Variants in ADA2 observed in about 807,000 individuals in gnomAD.
ADA2 encodes the protein adenosine deaminase 2.
In ADA2, 29 loss-of-function variants were observed where a neutral mutation model predicts 44.2. The observed-to-expected ratio is 0.66, with a 90% confidence interval of 0.49 to 0.89. The LOEUF (loss-of-function observed/expected upper bound fraction) is 0.89, where lower values mean the gene tolerates loss of function less well. Ranked by LOEUF, ADA2 falls within the 40% of genes least tolerant of loss-of-function variation. The pLI, the probability that ADA2 is intolerant of heterozygous loss-of-function variation, is 0.00. For synonymous variants in ADA2, 215 were observed against 234.9 expected (o/e 0.92, Z 0.77); for missense variants, 637 against 644.8 (o/e 0.99, Z 0.13).
intron 4 of ADA2, among the ~76,000 whole-genome samples, chr22:17,192,546 A>G (rs571456291): frequency 6.6e-6 from 1 of 152,070 alleles, no homozygotes; most frequent in South Asian, 2.1e-4. Flanking sequence ...GGAGGTGTGT[A>G]ATGGGGAAAG....
chr22:17,214,068 C>G, intron 1 of ADA2: 1 of 540,006 alleles, frequency 1.9e-6, no homozygotes, highest in South Asian at 1.7e-5. Context: ...AAATAGCATC[C>G]AAAACCCACA....
intron 3 of ADA2, among the ~76,000 whole-genome samples, 195 bp downstream of exon 3, chr22:17,206,876 A>G (rs974546708): frequency 6.6e-6 from 1 of 151,988 alleles, no homozygotes; most frequent in Non-Finnish European, 1.5e-5. Context: ...CAGACTGGCA[A>G]CTCCTGGGCT....
Position 17,207,054 on chromosome 22 carries a change from T to C in ADA2, c.542+17A>G. The C allele has an allele frequency of 6.2e-7, 1 of 1,601,140 alleles. No homozygotes were observed. Among genetic ancestry groups the C allele is most frequent in the Non-Finnish European group, 8.6e-7 (1 of 1,168,540 alleles). On this transcript the variant is annotated intron_variant, in intron 3 of 9. Transcript: ENST00000399837. ...CATGACAGGCCTGGGACATGTGCTT[T>C]CTGAACTACTACTCACCTGTCATCA...
At chr22:17,204,776 T>C (rs367867007) in intron 3 of ADA2, among the ~76,000 whole-genome samples, 1 of 148,832 alleles carries the variant, frequency 6.7e-6, no homozygotes, top group Non-Finnish European at 1.5e-5. Context: ...TCCAGAACCA[T>C]GAGAAAATCA....
chr22:17,207,147 A>G lies in ADA2; in HGVS notation c.466T>C (p.Ser156Pro). ...FRFAHPTPRP[S>P]EKCSKWILLE... ...AGAATCCACTTGGAACATTTTTCTG[A>G]TGGACGGGGAGTTGGGTGAGCAAAT... The change falls in exon 3 of 10, where the codon TCA becomes CCA. Residue 156 changes from serine to proline, a missense_variant. Transcript: ENST00000399837. 6.2e-7 allele frequency: 1 copy of G among 1,614,158 alleles called. No individual in the cohort carries two copies. The highest frequency in any genetic ancestry group is 1.7e-5 in the Admixed American group (1 of 60,030).
chr22:17,221,696 G>A (rs1186077934), upstream of ADA2: 1 of 152,242 alleles, frequency 6.6e-6, no homozygotes, highest in Non-Finnish European at 1.5e-5. Context: ...ATCTTGAGGT[G>A]GAAGCAGAGA....
At chr22:17,221,449 C>A (rs2123744568), upstream of ADA2, among the ~76,000 whole-genome samples, 1 of 152,222 alleles carries the variant, frequency 6.6e-6, no homozygotes, top group African/African-American at 2.4e-5. Context: ...CCCCGACCCC[C>A]CCGACAGGCC....
intron 4 of ADA2, among the ~76,000 whole-genome samples, chr22:17,192,727 G>T (rs1197747869): frequency 6.6e-6 from 1 of 152,074 alleles, no homozygotes; most frequent in Non-Finnish European, 1.5e-5. Flanking sequence ...TACTGGGGAG[G>T]CTGAGGCAGG....
Position 17,182,760 on chromosome 22 carries a change from G to A in ADA2, c.1083C>T (p.Asp361=), listed in dbSNP as rs1298696151. The change falls in exon 8 of 10, where the codon GAC becomes GAT. Residue 361 remains aspartate (D), a splice_region_variant and synonymous_variant. Transcript: ENST00000399837. ...LPYFFHAGET[D]WQGTSIDRNI... ...TCCTGTCTATGGAAGTACCCTGCCA[G>A]TCTGAACACACGGGAATGGTCTTCC... The A allele has an allele frequency of 6.2e-7, 1 of 1,613,262 alleles. No individual in the cohort carries two copies. The highest frequency in any genetic ancestry group is 1.7e-5 in the Admixed American group (1 of 60,008).
At chr22:17,191,176 T>G (rs2062109776) in intron 5 of ADA2, among the ~76,000 whole-genome samples, 1 of 152,190 alleles carries the variant, frequency 6.6e-6, no homozygotes, top group African/African-American at 2.4e-5. Flanking sequence ...TGTGCTTCCC[T>G]GGGAAAAAGA....
At chr22:17,181,717 C>A in intron 9 of ADA2, 103 bp downstream of exon 9, 3 of 1,132,960 alleles carry the variant, frequency 2.6e-6, no homozygotes, top group Admixed American at 1.8e-5. Context: ...TGAGAAGGAA[C>A]CCACAGGAAC....
intron 1 of ADA2, among the ~76,000 whole-genome samples, chr22:17,212,620 A>T (rs2062430239): frequency 6.6e-6 from 1 of 152,186 alleles, no homozygotes; most frequent in African/African-American, 2.4e-5. Context: ...TATCTGATGG[A>T]GAGCTAATAT....
At chr22:17,188,886 T>TATATATA (rs1491152456) in intron 6 of ADA2, among the ~76,000 whole-genome samples, 3 of 59,610 alleles carry the variant, frequency 5.0e-5, no homozygotes, top group East Asian at 5.5e-4. Flanking sequence ...TATATATATA[T>TATATATA]TTTGTAAAGA....
At chr22:17,219,153 A>G (rs973197248) in intron 1 of ADA2, among the ~76,000 whole-genome samples, 1 of 152,206 alleles carries the variant, frequency 6.6e-6, no homozygotes, top group African/African-American at 2.4e-5. Context: ...AGTAGGCCAC[A>G]TGCATCTGTG....
intron 4 of ADA2, chr22:17,192,871 C>CT (rs1446348111): frequency 1.7e-5 from 8 of 480,574 alleles, no homozygotes; most frequent in Non-Finnish European, 3.1e-5. Context: ...TCGGCGCTGC[C>CT]TACAGAAGTG....
intron 1 of ADA2, chr22:17,214,205 A>G (rs576586536): frequency 4.7e-5 from 26 of 558,222 alleles, no homozygotes; most frequent in African/African-American, 2.5e-4. Context: ...GCAAAAGGCC[A>G]TGCTGGGGTT....
At chr22:17,189,819 C>G in intron 6 of ADA2, 123 bp downstream of exon 6, 1 of 691,016 alleles carries the variant, frequency 1.4e-6, no homozygotes, top group Middle Eastern at 3.2e-4. Flanking sequence ...TGAGCCTGCC[C>G]TGGGATGTCA....
At chr22:17,200,077 C>T (rs770090459) in intron 4 of ADA2, among the ~76,000 whole-genome samples, 42 of 152,110 alleles carry the variant, frequency 2.8e-4, no homozygotes, top group Non-Finnish European at 5.4e-4. Context: ...CACCTGTAAT[C>T]CCAGCTACTC....
chr22:17,182,425 T>C (rs1253650403), intron 8 of ADA2, among the ~76,000 whole-genome samples, 179 bp downstream of exon 8: 1 of 152,132 alleles, frequency 6.6e-6, no homozygotes, highest in Non-Finnish European at 1.5e-5. Context: ...GCCTCATTCT[T>C]ATTGGTGGCT....
Sources: gnomAD v4.1 joint callset for allele counts (sites outside exome capture counted in the v4.1 genomes callset) on GRCh38, gnomAD v4.1.1 for gene constraint, MANE v1.5 for transcripts, NCBI Gene and HGNC (gene_info 2026-07-23, HGNC 2026-07-21) for gene names.